NCKAP5: variants seen among roughly 807,000 people sequenced by gnomAD.
NCKAP5 encodes NCK associated protein 5.
A neutral mutation model predicts 167.0 loss-of-function variants in NCKAP5; 92 were observed. The observed-to-expected ratio is 0.55, with a 90% CI of 0.47 to 0.66. The LOEUF (loss-of-function observed/expected upper bound fraction) is 0.66, where lower values mean the gene tolerates loss of function less well. Ranked by LOEUF, NCKAP5 falls within the 30% of genes least tolerant of loss-of-function variation. The pLI is 0.00. For missense variants in NCKAP5, 2,378 were observed against 2,315.0 expected (o/e 1.03, Z -0.56); for synonymous variants, 891 against 877.4 (o/e 1.02, Z -0.27).
the NCKAP5 span, among the ~76,000 whole-genome samples, chr2:133,648,823 A>G: frequency 6.6e-5 from 10 of 151,076 alleles, no homozygotes; most frequent in Admixed American, 5.9e-4. Context: ...TCAAATAATC[A>G]TCTAACTTTT....
chr2:133,090,815 C>T (rs963863657), intron 6 of NCKAP5, among the ~76,000 whole-genome samples: 4 of 152,070 alleles, frequency 2.6e-5, no homozygotes, highest in African/African-American at 9.7e-5. Context: ...AATAGAGAAA[C>T]CTCTGTTCTA....
At chr2:133,319,968 C>T (rs975344735) in intron 3 of NCKAP5, among the ~76,000 whole-genome samples, 1 of 152,104 alleles carries the variant, frequency 6.6e-6, no homozygotes, top group South Asian at 2.1e-4. Flanking sequence ...TGAGGGTAAA[C>T]TGCAGGTGAA....
At chr2:133,005,344 T>C (rs573212790) in intron 6 of NCKAP5, among the ~76,000 whole-genome samples, 3 of 152,204 alleles carry the variant, frequency 2.0e-5, no homozygotes, top group Non-Finnish European at 2.9e-5. Flanking sequence ...ACAATTTATG[T>C]TCTTCTGCCT....
chr2:132,928,005 G>A (rs888515518), intron 8 of NCKAP5, among the ~76,000 whole-genome samples: 1 of 152,082 alleles, frequency 6.6e-6, no homozygotes, highest in African/African-American at 2.4e-5. Flanking sequence ...TTAAGTAAAA[G>A]CAAAATTTCT....
chr2:133,025,163 A>G (rs2078654336), intron 6 of NCKAP5, among the ~76,000 whole-genome samples: 1 of 152,144 alleles, frequency 6.6e-6, no homozygotes, highest in Non-Finnish European at 1.5e-5. Context: ...TCCTCCTACT[A>G]TCTTTTGTGG....
chr2:133,503,702 AC>A (rs1682743495), intron 3 of NCKAP5, among the ~76,000 whole-genome samples: 1 of 152,230 alleles, frequency 6.6e-6, no homozygotes, highest in Non-Finnish European at 1.5e-5. Context: ...AAAAGGAGGA[AC>A]CATCTTCCTG....
chr2:133,358,284 T>C (rs556905199), intron 3 of NCKAP5, among the ~76,000 whole-genome samples: 1 of 152,246 alleles, frequency 6.6e-6, no homozygotes, highest in South Asian at 2.1e-4. Context: ...AATCAATAAG[T>C]GTTGAACCAG....
At chr2:133,070,227 A>T (rs1305143894) in intron 6 of NCKAP5, among the ~76,000 whole-genome samples, 1 of 152,240 alleles carries the variant, frequency 6.6e-6, no homozygotes, top group African/African-American at 2.4e-5. Flanking sequence ...ATTAGAATAC[A>T]CAAGACTGTC....
At chr2:133,495,590 C>A (rs1299090964) in intron 3 of NCKAP5, among the ~76,000 whole-genome samples, 3 of 152,150 alleles carry the variant, frequency 2.0e-5, no homozygotes, top group African/African-American at 7.2e-5. Context: ...TGTTTCATGA[C>A]AGCCAGTTTT....
intron 2 of NCKAP5, among the ~76,000 whole-genome samples, chr2:133,525,338 T>C (rs1054453142): frequency 9.9e-5 from 15 of 152,182 alleles, no homozygotes; most frequent in African/African-American, 3.6e-4. Flanking sequence ...ACTAATAATA[T>C]TCAGTAGCTT....
chr2:133,170,850 T>C (rs1355402373), intron 5 of NCKAP5, among the ~76,000 whole-genome samples: 3 of 151,990 alleles, frequency 2.0e-5, no homozygotes, highest in Non-Finnish European at 4.4e-5. Flanking sequence ...ATAGCCTACA[T>C]GCAGATCTAC....
intron 11 of NCKAP5, among the ~76,000 whole-genome samples, chr2:132,811,909 G>A (rs1399791040): frequency 6.6e-6 from 1 of 152,184 alleles, no homozygotes; most frequent in Non-Finnish European, 1.5e-5. Context: ...CAGGCAGGAA[G>A]GGGCTGCTAG....
the NCKAP5 span, among the ~76,000 whole-genome samples, chr2:133,630,650 C>A: frequency 6.6e-6 from 1 of 152,082 alleles, no homozygotes; most frequent in East Asian, 1.9e-4. Context: ...CTGTTGGTGA[C>A]CCTTCTGCCA....
chr2:132,999,095 G>A (rs967004281), intron 6 of NCKAP5, among the ~76,000 whole-genome samples: 1 of 152,024 alleles, frequency 6.6e-6, no homozygotes, highest in Non-Finnish European at 1.5e-5. Flanking sequence ...TAACTCCTAG[G>A]ACAGCCAGAG....
intron 11 of NCKAP5, among the ~76,000 whole-genome samples, chr2:132,856,118 A>G (rs1351001177): frequency 6.6e-6 from 1 of 152,172 alleles, no homozygotes; most frequent in Non-Finnish European, 1.5e-5. Flanking sequence ...GACCACTGAT[A>G]CTACATGAAC....
intron 2 of NCKAP5, among the ~76,000 whole-genome samples, chr2:133,547,116 C>T (rs894488528): frequency 5.3e-5 from 8 of 152,284 alleles, no homozygotes; most frequent in African/African-American, 7.2e-5. Context: ...AAAGGGGTGA[C>T]GGACGCACCT....
At chr2:132,850,944 C>T (rs984012773) in intron 11 of NCKAP5, among the ~76,000 whole-genome samples, 1 of 152,174 alleles carries the variant, frequency 6.6e-6, no homozygotes, top group Non-Finnish European at 1.5e-5. Flanking sequence ...GGGTCTGTGA[C>T]ATACAGGGCA....
chr2:133,564,705 G>A (rs925560028), intron 1 of NCKAP5, among the ~76,000 whole-genome samples: 7 of 152,102 alleles, frequency 4.6e-5, no homozygotes, highest in East Asian at 3.9e-4. Flanking sequence ...ATGCAGGACC[G>A]CAGTCTTCTC....
intron 10 of NCKAP5, among the ~76,000 whole-genome samples, chr2:132,861,882 A>T (rs1689942771): frequency 6.6e-6 from 1 of 152,268 alleles, no homozygotes; most frequent in South Asian, 2.1e-4. Flanking sequence ...TAACCACACC[A>T]GCATATTGCT....
Sources: allele counts gnomAD v4.1 joint callset (sites outside exome capture counted in the v4.1 genomes callset), GRCh38; gene constraint gnomAD v4.1.1; transcripts MANE v1.5; gene names NCBI Gene and HGNC (gene_info 2026-07-23, HGNC 2026-07-21).